The following CAMTA1 variants were observed in gnomAD, a reference collection of about 807,000 sequenced individuals.
CAMTA1 encodes calmodulin binding transcription activator 1.
Under a neutral mutation model 170.9 loss-of-function variants are expected in CAMTA1, and 27 were observed. That is an observed-to-expected ratio of 0.16 (90% CI 0.12 to 0.22). The LOEUF is 0.22. Among genes scored for constraint, CAMTA1 ranks in the 10% least tolerant of loss-of-function variants. CAMTA1 has a pLI of 1.00. For missense variants in CAMTA1, 1,619 were observed against 2,217.2 expected (o/e 0.73, Z 5.42); for synonymous variants, 833 against 891.5 (o/e 0.93, Z 1.17).
intron 4 of CAMTA1, among the ~76,000 whole-genome samples, chr1:7,101,682 GAC>G (rs780138676): frequency 5.8e-4 from 88 of 152,132 alleles, no homozygotes; most frequent in South Asian, 1.2e-3. Context: ...CACACATGTA[GAC>G]ACATATGTGC....
chr1:7,351,203 C>T (rs1045464055), intron 5 of CAMTA1, among the ~76,000 whole-genome samples: 7 of 152,256 alleles, frequency 4.6e-5, no homozygotes, highest in Non-Finnish European at 7.3e-5. Flanking sequence ...CATGGCCTCA[C>T]GCTTTTCCCA....
At chr1:7,403,583 A>G (rs146217668) in intron 5 of CAMTA1, among the ~76,000 whole-genome samples, 1 of 152,242 alleles carries the variant, frequency 6.6e-6, no homozygotes, top group Non-Finnish European at 1.5e-5. Flanking sequence ...GAAGAGGCAC[A>G]GGGACAACCT....
chr1:7,313,400 T>C (rs1235886177), intron 5 of CAMTA1, among the ~76,000 whole-genome samples: 1 of 152,234 alleles, frequency 6.6e-6, no homozygotes, highest in African/African-American at 2.4e-5. Context: ...GTTTTGTGCC[T>C]CGGGGCATGT....
At chr1:7,187,905 T>G (rs1449567931) in intron 4 of CAMTA1, among the ~76,000 whole-genome samples, 2 of 152,208 alleles carry the variant, frequency 1.3e-5, no homozygotes, top group African/African-American at 4.8e-5. Flanking sequence ...TGTATTAGTC[T>G]GTTATCACAC....
At chr1:7,307,021 C>T (rs1008763783) in intron 5 of CAMTA1, among the ~76,000 whole-genome samples, 27 of 151,914 alleles carry the variant, frequency 1.8e-4, no homozygotes, top group African/African-American at 6.5e-4. Flanking sequence ...GCTTGAGGAT[C>T]TGTGGATTTT....
intron 4 of CAMTA1, among the ~76,000 whole-genome samples, chr1:7,179,251 C>A (rs1558211058): frequency 6.6e-6 from 1 of 152,160 alleles, no homozygotes; most frequent in South Asian, 2.1e-4. Context: ...TGAAATAACA[C>A]AGGAACCACC....
chr1:7,206,801 C>T (rs1382209329), intron 4 of CAMTA1, among the ~76,000 whole-genome samples: 1 of 152,172 alleles, frequency 6.6e-6, no homozygotes, highest in Non-Finnish European at 1.5e-5. Flanking sequence ...TAAATTTTGT[C>T]AGTCTGAGGG....
intron 3 of CAMTA1, among the ~76,000 whole-genome samples, chr1:6,973,727 G>A (rs1692931281): frequency 6.6e-6 from 1 of 152,176 alleles, no homozygotes; most frequent in Admixed American, 6.5e-5. Flanking sequence ...TCTGCTGGGT[G>A]ACACCGACCT....
intron 5 of CAMTA1, among the ~76,000 whole-genome samples, chr1:7,252,681 G>A (rs918447514): frequency 3.3e-5 from 5 of 152,234 alleles, no homozygotes; most frequent in East Asian, 1.9e-4. Flanking sequence ...CGTCAGGCAC[G>A]GCGCCAGCCA....
chr1:6,926,520 C>G (rs905823855), intron 3 of CAMTA1, among the ~76,000 whole-genome samples: 1 of 142,728 alleles, frequency 7.0e-6, no homozygotes, highest in Non-Finnish European at 1.5e-5. Flanking sequence ...TTCCTTCCTT[C>G]TTTCTTTCTC....
chr1:7,240,586 A>G (rs993578687), intron 4 of CAMTA1, among the ~76,000 whole-genome samples: 3 of 147,364 alleles, frequency 2.0e-5, no homozygotes, highest in Non-Finnish European at 3.0e-5. Flanking sequence ...CAGTGGTGCT[A>G]TCTCGGTTCA....
intron 4 of CAMTA1, among the ~76,000 whole-genome samples, chr1:7,128,894 G>A (rs1645088313): frequency 7.3e-6 from 1 of 137,222 alleles, no homozygotes; most frequent in Non-Finnish European, 1.5e-5. Flanking sequence ...AGGCTGAAGT[G>A]CAGTGGTTCG....
At chr1:6,879,613 CTTTTTTTTTT>C (rs58610375) in intron 3 of CAMTA1, among the ~76,000 whole-genome samples, 1 of 132,866 alleles carries the variant, frequency 7.5e-6, no homozygotes, top group Non-Finnish European at 1.6e-5. Context: ...TTCCTTTTTT[CTTTTTTTTTT>C]TTTTTTTGAG....
Position 7,732,016 on chromosome 1 carries a change from CTTT to C in CAMTA1, c.2915-421_2915-419del, listed in dbSNP as rs77932760. Among the ~76,000 whole-genome samples, 1 of 143,322 alleles carries C rather than the reference CTTT, an allele frequency of 7.0e-6. No homozygotes were observed. 94.0% of individuals were successfully genotyped at this position (143,322 alleles called of 152,430 possible). ...AGTGTTTTGGTAAAAGATATACTAC[CTTT>C]TTTTTTTTTTGTCTAACATACCTTC... is the stretch of plus-strand genomic sequence containing the variant. On this transcript the variant is annotated intron_variant, in intron 11 of 22. Transcript: ENST00000303635. This position sits in a 1 kb window ranked among gnomAD's most constrained non-coding sequence, Gnocchi z 4.1.
At chr1:7,125,287 T>TATTC (rs1297048326) in intron 4 of CAMTA1, among the ~76,000 whole-genome samples, 7 of 152,120 alleles carry the variant, frequency 4.6e-5, no homozygotes, top group African/African-American at 9.7e-5. Context: ...GAGCAGACTG[T>TATTC]ATTCATTCAT....
chr1:7,743,872 G>A (rs2150079938), intron 16 of CAMTA1, among the ~76,000 whole-genome samples: 1 of 150,920 alleles, frequency 6.6e-6, no homozygotes, highest in Non-Finnish European at 1.5e-5. Flanking sequence ...TGTCGCCCAG[G>A]CTGGAGTGCA....
At chr1:6,857,317 A>G (rs923676018) in intron 3 of CAMTA1, among the ~76,000 whole-genome samples, 12 of 152,214 alleles carry the variant, frequency 7.9e-5, no homozygotes, top group Admixed American at 7.2e-4. Context: ...CATTGAGAAT[A>G]ACTCCCAGGT....
chr1:6,871,459 T>C (rs1668392470), intron 3 of CAMTA1, among the ~76,000 whole-genome samples: 1 of 152,242 alleles, frequency 6.6e-6, no homozygotes, highest in African/African-American at 2.4e-5. Context: ...ATTTCTGATA[T>C]GTTGGCAACT....
intron 5 of CAMTA1, among the ~76,000 whole-genome samples, chr1:7,268,628 C>A (rs933459834): frequency 1.3e-4 from 20 of 152,080 alleles, no homozygotes; most frequent in African/African-American, 4.8e-4. Context: ...CCTAACAAAG[C>A]GTATAAACAA....
Sources: allele counts gnomAD v4.1 joint callset (sites outside exome capture counted in the v4.1 genomes callset), GRCh38; gene constraint gnomAD v4.1.1; non-coding constraint Gnocchi (gnomAD v3.1); transcripts MANE v1.5; gene names NCBI Gene and HGNC (gene_info 2026-07-23, HGNC 2026-07-21).